The following MAGI2 variants were observed in gnomAD, a reference collection of about 807,000 sequenced individuals.
MAGI2 encodes the protein membrane-associated guanylate kinase, WW and PDZ domain-containing protein 2.
A neutral mutation model predicts 133.3 loss-of-function variants in MAGI2; 35 were observed. That is an observed-to-expected ratio of 0.26 (90% CI 0.20 to 0.35). The LOEUF is 0.35. Ranked by LOEUF, MAGI2 falls within the 10% of genes least tolerant of loss-of-function variation. The probability of loss-of-function intolerance (pLI) is 1.00; values close to 1 mark genes in which losing one functional copy is unlikely to be tolerated. For synonymous variants in MAGI2, 729 were observed against 710.6 expected, an observed-to-expected ratio of 1.03 and a Z score of -0.41; for missense variants, 1,636 against 1,863.4, an observed-to-expected ratio of 0.88 and a Z score of 2.25.
intron 21 of MAGI2, among the ~76,000 whole-genome samples, chr7:78,040,137 T>C (rs1484390118): frequency 6.6e-6 from 1 of 152,236 alleles, no homozygotes; most frequent in African/African-American, 2.4e-5. Flanking sequence ...AATAGGCTGC[T>C]ATTGCCAGAG....
At chr7:79,244,666 T>C (rs1832693112) in intron 1 of MAGI2, among the ~76,000 whole-genome samples, 1 of 152,138 alleles carries the variant, frequency 6.6e-6, no homozygotes, top group Admixed American at 6.5e-5. Context: ...AATAAACTTG[T>C]AAGGCAGTCA....
chr7:78,510,628 A>G (rs1483642032), intron 4 of MAGI2, among the ~76,000 whole-genome samples: 1 of 152,200 alleles, frequency 6.6e-6, no homozygotes, highest in East Asian at 1.9e-4. Context: ...AGGTGTTTGC[A>G]TCAATTGAGC....
chr7:78,661,242 C>CTTCTT (rs5885085), intron 2 of MAGI2, among the ~76,000 whole-genome samples: 94,638 of 151,280 alleles, frequency 0.63, 29,977 homozygotes, highest in East Asian at 0.92. Flanking sequence ...CTAGTCCTCA[C>CTTCTT]TTCTTGCTAT....
chr7:79,231,971 G>A lies in MAGI2; in HGVS notation c.301+221049C>T, dbSNP rs374491721. 8.5e-5 allele frequency among the ~76,000 whole-genome samples: 13 copies of A among 152,208 alleles called. No homozygotes were observed. The East Asian group carries it at 9.7e-4, about 11-fold the overall frequency. On this transcript the variant is annotated intron_variant, in intron 1 of 21. Transcript: ENST00000354212. ...TTATTATTTTGAGATACGTCCCATC[G>A]ATACCTAATTTATTGAGAGTTTTTA...
intron 9 of MAGI2, among the ~76,000 whole-genome samples, chr7:78,298,960 C>T (rs755451042): frequency 5.9e-5 from 9 of 151,802 alleles, no homozygotes; most frequent in Non-Finnish European, 1.0e-4. Context: ...GGACCACAGG[C>T]GCACGCCACC....
chr7:78,617,173 T>C (rs1807192987), intron 3 of MAGI2: 1 of 152,110 alleles, frequency 6.6e-6, no homozygotes, highest in African/African-American at 2.4e-5. Context: ...AGAAAAGTAG[T>C]CCAGGAAAAT....
At chr7:78,905,673 G>A (rs1050916764) in intron 2 of MAGI2, among the ~76,000 whole-genome samples, 1 of 152,076 alleles carries the variant, frequency 6.6e-6, no homozygotes, top group African/African-American at 2.4e-5. Context: ...GCTGATAGAT[G>A]GTCTTCTGGT....
intron 2 of MAGI2, among the ~76,000 whole-genome samples, chr7:78,835,974 T>A (rs1392123529): frequency 1.3e-5 from 2 of 152,220 alleles, no homozygotes; most frequent in Non-Finnish European, 2.9e-5. Context: ...CACAGATCTT[T>A]ATTTTCTCAT....
intron 1 of MAGI2, among the ~76,000 whole-genome samples, chr7:79,217,028 A>G (rs965249493): frequency 6.6e-6 from 1 of 152,126 alleles, no homozygotes; most frequent in Non-Finnish European, 1.5e-5. Flanking sequence ...TGTGTTAGAC[A>G]GTTTATGATA....
At chr7:78,630,659 C>T (rs1273190281) in intron 2 of MAGI2, among the ~76,000 whole-genome samples, 1 of 151,932 alleles carries the variant, frequency 6.6e-6, no homozygotes, top group Non-Finnish European at 1.5e-5. Context: ...TTGTGATTCC[C>T]CCACCTCGGC....
intron 1 of MAGI2, among the ~76,000 whole-genome samples, chr7:79,368,626 A>T (rs913097895): frequency 6.6e-6 from 1 of 151,908 alleles, no homozygotes; most frequent in Non-Finnish European, 1.5e-5. Flanking sequence ...AGGCGGGCGG[A>T]TCACGAGGTC....
At chr7:79,067,681 C>A (rs1017240251) in intron 1 of MAGI2, among the ~76,000 whole-genome samples, 2 of 152,126 alleles carry the variant, frequency 1.3e-5, no homozygotes, top group African/African-American at 4.8e-5. Flanking sequence ...TTGTCTTGTA[C>A]CAGTTTTCAA....
chr7:79,349,949 C>T lies in MAGI2; in HGVS notation c.301+103071G>A, dbSNP rs560586774. ...CCCTCACAGTTAAACTAAAGATGCA[C>T]AGTCTTTAGTTAAAGTCTTGAGTTA... On this transcript the variant is annotated intron_variant, in intron 1 of 21. Transcript: ENST00000354212. Among the ~76,000 whole-genome samples the T allele has an allele frequency of 1.4e-4, 22 of 152,160 alleles. No homozygotes were observed. In the East Asian group the frequency reaches 3.9e-3, roughly 27 times the overall value.
At chr7:79,287,521 A>T (rs905665561) in intron 1 of MAGI2, among the ~76,000 whole-genome samples, 1 of 152,262 alleles carries the variant, frequency 6.6e-6, no homozygotes, top group South Asian at 2.1e-4. Flanking sequence ...GAAGCATTAG[A>T]GTAAGGGTTT....
intron 1 of MAGI2, among the ~76,000 whole-genome samples, chr7:79,167,873 C>G (rs895966554): frequency 1.3e-5 from 2 of 152,084 alleles, no homozygotes; most frequent in Non-Finnish European, 2.9e-5. Context: ...CCATGACACC[C>G]ATGCTGGAAG....
At chr7:78,043,161 G>A (rs1811032842) in intron 21 of MAGI2, among the ~76,000 whole-genome samples, 1 of 152,190 alleles carries the variant, frequency 6.6e-6, no homozygotes, top group Non-Finnish European at 1.5e-5. Flanking sequence ...TTAGATAACA[G>A]CATTATTTAA....
chr7:78,327,664 A>G (rs1017768339), intron 9 of MAGI2, among the ~76,000 whole-genome samples: 3 of 152,196 alleles, frequency 2.0e-5, no homozygotes, highest in Admixed American at 6.5e-5. Context: ...AGTCAATTCT[A>G]TGAAAAATAC....
At chr7:78,209,013 G>A (rs1241809014) in intron 10 of MAGI2, among the ~76,000 whole-genome samples, 1 of 150,470 alleles carries the variant, frequency 6.6e-6, no homozygotes, top group Non-Finnish European at 1.5e-5. Context: ...ACGAGGTCAG[G>A]AGATCGAGAC....
At chr7:78,200,869 A>G (rs1010189890) in intron 11 of MAGI2, among the ~76,000 whole-genome samples, 14 of 152,210 alleles carry the variant, frequency 9.2e-5, no homozygotes, top group African/African-American at 2.9e-4. Context: ...GGACAGGAGA[A>G]AAACAAAAGG....
Sources: allele counts gnomAD v4.1 joint callset (sites outside exome capture counted in the v4.1 genomes callset), GRCh38; gene constraint gnomAD v4.1.1; transcripts MANE v1.5; gene names NCBI Gene and HGNC (gene_info 2026-07-23, HGNC 2026-07-21).